PHIP: variants seen among roughly 807,000 people sequenced by gnomAD.
PHIP encodes PHIP subunit of CUL4-Ring ligase complex, also known as PH-interacting protein.
A neutral mutation model predicts 236.8 loss-of-function variants in PHIP; 54 were observed. The ratio of observed to expected loss-of-function variants is 0.23; its 90% confidence interval spans 0.18 to 0.29. The LOEUF (loss-of-function observed/expected upper bound fraction) is 0.29. Among genes scored for constraint, PHIP ranks in the 10% least tolerant of loss-of-function variants. PHIP has a pLI of 1.00. For synonymous variants in PHIP, 756 were observed against 718.9 expected, an observed-to-expected ratio of 1.05 and a Z score of -0.83; for missense variants, 1,370 against 2,190.8, an observed-to-expected ratio of 0.63 and a Z score of 7.48.
At position 78,982,965 on chromosome 6, in the gene PHIP, T is replaced by C; in HGVS notation, c.2690A>G (p.Lys897Arg). Reference sequence around the variant, plus strand: ...TTCTTCATTTACTTTTTTCTTTTCCTTTTTAATCTGTTTTTGCTTCTGTTT... The same window carrying C: ...TTCTTCATTTACTTTTTTCTTTTCCCTTTTAATCTGTTTTTGCTTCTGTTT... ...SEKQKQKQIKKEKKKVNEEKD... is the reference protein window; with the variant it reads ...SEKQKQKQIKREKKKVNEEKD... The change falls in exon 23 of 40, where the codon AAG becomes AGG. Residue 897 changes from lysine to arginine, a missense_variant. Lys to Arg is a conservative substitution (Grantham distance 26). Transcript: ENST00000275034. The C allele has an allele frequency of 6.2e-7, 1 of 1,606,094 alleles. No individual in the cohort carries two copies. The highest frequency in any genetic ancestry group is 1.3e-5 in the African/African-American group (1 of 74,620).
chr6:79,001,876 T>G (rs377615090), intron 17 of PHIP, 23 bp downstream of exon 17: 33 of 1,489,256 alleles, frequency 2.2e-5, no homozygotes, highest in Non-Finnish European at 3.0e-5. Flanking sequence ...AAAATTTGAT[T>G]GTCTAAGAAA....
chr6:78,971,015 T>C (rs1267805427), intron 24 of PHIP, 127 bp from the exon 25 acceptor site: 4 of 630,840 alleles, frequency 6.3e-6, no homozygotes, highest in Non-Finnish European at 1.1e-5. Flanking sequence ...TAATATTTTC[T>C]CCCTCCTCCT....
At chr6:79,017,236 T>C in intron 12 of PHIP, 110 bp downstream of exon 12, 1 of 626,260 alleles carries the variant, frequency 1.6e-6, no homozygotes, top group South Asian at 2.5e-5. Flanking sequence ...CTGGTCAAGA[T>C]CTTTTAGGTA....
chr6:78,972,908 G>A (rs1204212775), intron 24 of PHIP, among the ~76,000 whole-genome samples: 1 of 152,176 alleles, frequency 6.6e-6, no homozygotes, highest in African/African-American at 2.4e-5. Flanking sequence ...TCTGATTGGT[G>A]TACCTGAAAG....
At chr6:78,945,829 A>T in intron 38 of PHIP, 172 bp downstream of exon 38, 1 of 621,460 alleles carries the variant, frequency 1.6e-6, no homozygotes, top group Non-Finnish European at 2.8e-6. Context: ...CCTAAACCTC[A>T]ATTTAATTCT....
intron 38 of PHIP, 109 bp from the exon 39 acceptor site, chr6:78,945,606 T>C (rs917790539): frequency 1.1e-5 from 8 of 704,164 alleles, no homozygotes; most frequent in African/African-American, 9.1e-5. Flanking sequence ...ACCTGAAGGA[T>C]GCTTAAAGCT....
In PHIP at chr6:78,946,713, T is replaced by G. The variant is rs894811599; in HGVS notation, c.4368A>C (p.Ser1456=). 6.4e-7 allele frequency: 1 copy of G among 1,554,030 alleles called. No homozygotes were observed. Among genetic ancestry groups the G allele is most frequent in the Non-Finnish European group, 8.6e-7 (1 of 1,160,188 alleles). The change falls in exon 37 of 40, where the codon TCA becomes TCC. Residue 1456 remains serine (S), a splice_region_variant and synonymous_variant. Coordinates refer to ENST00000275034, the MANE Select transcript of PHIP (RefSeq NM_017934.7). ...RSSSVSSSAA[S]SPERKKRILK... ...GGTATTTAAAAGAAATTAAATACCT[T>G]GATGCAGCACTACTGGAAACAGAGC...
chr6:79,039,470 A>G (rs1287634375), intron 7 of PHIP, among the ~76,000 whole-genome samples: 1 of 152,114 alleles, frequency 6.6e-6, no homozygotes, highest in East Asian at 1.9e-4. Flanking sequence ...ATGGTATCTC[A>G]GTACCTTGTA....
intron 17 of PHIP, among the ~76,000 whole-genome samples, chr6:79,000,250 T>C (rs556933891): frequency 8.5e-5 from 13 of 152,064 alleles, no homozygotes; most frequent in African/African-American, 1.7e-4. Flanking sequence ...CTGAAAAATT[T>C]TGGGACTCAT....
intron 7 of PHIP, among the ~76,000 whole-genome samples, chr6:79,040,051 AAAAAT>A (rs1478016366): frequency 6.6e-6 from 1 of 152,156 alleles, no homozygotes; most frequent in African/African-American, 2.4e-5. Context: ...TATTTGGATA[AAAAAT>A]AAAAGATAAA....
chr6:78,995,104 T>A (rs1394686346), intron 19 of PHIP, among the ~76,000 whole-genome samples: 1 of 152,236 alleles, frequency 6.6e-6, no homozygotes, highest in Non-Finnish European at 1.5e-5. Flanking sequence ...ATTTCAAGAA[T>A]ATTTCATAAA....
intron 34 of PHIP, 64 bp downstream of exon 34, chr6:78,955,168 A>T: frequency 8.6e-7 from 1 of 1,156,994 alleles, no homozygotes; most frequent in Non-Finnish European, 1.2e-6. Flanking sequence ...TAAAAAAATA[A>T]AGAAAGCTCT....
intron 15 of PHIP, among the ~76,000 whole-genome samples, chr6:79,014,391 T>C (rs1212918059): frequency 6.6e-6 from 1 of 151,794 alleles, no homozygotes; most frequent in Non-Finnish European, 1.5e-5. Flanking sequence ...GGAAACTGTT[T>C]TTTCTTTTGT....
At chr6:79,039,350 T>C (rs1211570579) in intron 7 of PHIP, among the ~76,000 whole-genome samples, 1 of 152,170 alleles carries the variant, frequency 6.6e-6, no homozygotes, top group Non-Finnish European at 1.5e-5. Context: ...TGCCTTTCCC[T>C]AAGTCTGCAA....
At chr6:78,969,693 A>G (rs895856862) in intron 27 of PHIP, 142 bp downstream of exon 27, 3 of 480,912 alleles carry the variant, frequency 6.2e-6, no homozygotes, top group Admixed American at 4.0e-5. Context: ...CTGACATAGT[A>G]TCTTACTTTG....
At chr6:79,011,386 C>A (rs899289852) in intron 15 of PHIP, among the ~76,000 whole-genome samples, 1 of 151,730 alleles carries the variant, frequency 6.6e-6, no homozygotes, top group Admixed American at 6.6e-5. Context: ...TCTTTGGTTT[C>A]TTCTCCTGTT....
rs753234218 is a variant in PHIP, at chr6:78,941,250, T to C, written c.4909A>G (p.Arg1637Gly). The C allele has an allele frequency of 8.1e-6, 13 of 1,613,658 alleles. No homozygotes were observed. The highest frequency in any genetic ancestry group is 1.7e-5 in the Admixed American group (1 of 60,022). ...HGGQPSKLVK[R>G]GPGRKPKVEV... ...ACTTTAGGTTTCCTTCCAGGTCCCC[T>C]CTTCACAAGTTTTGATGGCTGTCCT... is the stretch of plus-strand genomic sequence containing the variant. The change falls in exon 40 of 40, where the codon AGG becomes GGG. Residue 1637 changes from arginine (R) to glycine (G), a missense_variant. Arg to Gly is a moderately radical substitution (Grantham distance 125, BLOSUM62 -2). Coordinates refer to ENST00000275034, the MANE Select transcript of PHIP (RefSeq NM_017934.7).
intron 4 of PHIP, among the ~76,000 whole-genome samples, chr6:79,076,056 C>T (rs1272332474): frequency 1.3e-5 from 2 of 152,198 alleles, no homozygotes; most frequent in South Asian, 2.1e-4. Flanking sequence ...AATTAACACA[C>T]GTTCAGTGTG....
intron 9 of PHIP, among the ~76,000 whole-genome samples, chr6:79,021,954 C>T (rs951707187): frequency 6.6e-6 from 1 of 152,044 alleles, no homozygotes; most frequent in African/African-American, 2.4e-5. Flanking sequence ...TTATGCATTG[C>T]ATGTCTGTAT....
Sources: allele counts gnomAD v4.1 joint callset (sites outside exome capture counted in the v4.1 genomes callset), GRCh38; gene constraint gnomAD v4.1.1; transcripts MANE v1.5; gene names NCBI Gene and HGNC (gene_info 2026-07-23, HGNC 2026-07-21).